KIF16B: variants seen among roughly 807,000 people sequenced by gnomAD.
KIF16B encodes kinesin-like protein KIF16B.
In KIF16B, 98 loss-of-function variants were observed where a neutral mutation model predicts 156.3. The observed-to-expected ratio is 0.63, with a 90% CI of 0.53 to 0.74. KIF16B has a LOEUF of 0.74. KIF16B is among the 30% of genes least tolerant of loss of function. The probability of loss-of-function intolerance (pLI) is 0.00; values close to 1 mark genes in which losing one functional copy is unlikely to be tolerated. For synonymous variants in KIF16B, 564 were observed against 583.7 expected (o/e 0.97, Z 0.49); for missense variants, 1,421 against 1,606.5 (o/e 0.88, Z 1.97).
rs972266269 is a variant in KIF16B at position 16,427,034 on chromosome 20, C to A, written c.1612+70G>T. On this transcript the variant is annotated intron_variant, in intron 15 of 25. Coordinates refer to ENST00000354981, the MANE Select transcript of KIF16B (RefSeq NM_024704.5). ...AATTAATTCTAAGATGCACATGTTC[C>A]CCCATTGCCTAGCCAACTTGTTTTC... 10 of 1,329,200 alleles carry A rather than the reference C, an allele frequency of 7.5e-6. No homozygotes were observed. The East Asian group carries it at 2.5e-4, about 33-fold the overall frequency. The allele number at this position is 1,329,200 out of a possible 1,614,324, so 82.3% of individuals were successfully genotyped here.
chr20:16,367,782 G>T (rs768021398), intron 22 of KIF16B: 1 of 1,612,464 alleles, frequency 6.2e-7, no homozygotes, highest in Non-Finnish European at 8.5e-7. Flanking sequence ...CGCAGGCAGC[G>T]GCATCAGGCT....
intron 12 of KIF16B, among the ~76,000 whole-genome samples, chr20:16,447,063 C>T (rs2066952801): frequency 6.6e-6 from 1 of 152,084 alleles, no homozygotes; most frequent in Admixed American, 6.6e-5. Context: ...ACTAAGTGAG[C>T]ATTTTGTAAA....
intron 12 of KIF16B, among the ~76,000 whole-genome samples, chr20:16,467,276 A>C (rs1245608162): frequency 6.6e-6 from 1 of 152,186 alleles, no homozygotes; most frequent in East Asian, 1.9e-4. Flanking sequence ...ACCTAATCAT[A>C]GGACTATAGA....
intron 2 of KIF16B, 66 bp from the exon 3 acceptor site, chr20:16,526,271 A>C: frequency 1.2e-6 from 1 of 811,568 alleles, no homozygotes; most frequent in East Asian, 2.7e-5. Context: ...CCAAATTTCC[A>C]TGTTTATACC....
intron 22 of KIF16B, among the ~76,000 whole-genome samples, chr20:16,360,161 A>G (rs1264612288): frequency 6.6e-6 from 1 of 152,218 alleles, no homozygotes; most frequent in African/African-American, 2.4e-5. Flanking sequence ...TATTTTATGA[A>G]GTCAATTTCA....
At chr20:16,548,385 A>G (rs564765795) in intron 1 of KIF16B, among the ~76,000 whole-genome samples, 5 of 152,230 alleles carry the variant, frequency 3.3e-5, no homozygotes, top group African/African-American at 1.2e-4. Flanking sequence ...CTTGTAGAAC[A>G]GGCATCCCAA....
chr20:16,449,571 A>G (rs1242410321), intron 12 of KIF16B, among the ~76,000 whole-genome samples: 1 of 152,190 alleles, frequency 6.6e-6, no homozygotes, highest in Non-Finnish European at 1.5e-5. Context: ...TAAACAAAGA[A>G]CCAAAGAATA....
Position 16,573,384 on chromosome 20 carries a change from C to A in KIF16B, c.-109G>T, listed in dbSNP as rs1600726905. 3.3e-6 allele frequency: 4 copies of A among 1,212,516 alleles called. No individual in the cohort carries two copies. Among genetic ancestry groups the A allele is most frequent in the African/African-American group, 1.5e-5 (1 of 66,240 alleles). The allele number at this position is 1,212,516 out of a possible 1,614,324, so 75.1% of individuals were successfully genotyped here. A position where few individuals can be genotyped will look rare whatever the true frequency, so the allele number is the denominator to read the frequency against. ...CTCCCGCCCACTTCCCTCTCGCCCC[C>A]GCCCCTCTGCTCCCGGCCGGACCTG... On this transcript the variant is annotated 5_prime_UTR_variant, in exon 1 of 26. Coordinates refer to ENST00000354981, the MANE Select transcript of KIF16B (RefSeq NM_024704.5).
intron 22 of KIF16B, among the ~76,000 whole-genome samples, chr20:16,366,632 G>A (rs1212966936): frequency 3.3e-5 from 5 of 152,164 alleles, no homozygotes; most frequent in Non-Finnish European, 7.3e-5. Flanking sequence ...GTGATGGGAG[G>A]ACACTTTCAA....
chr20:16,311,621 A>C (rs2063620813), intron 25 of KIF16B, among the ~76,000 whole-genome samples: 1 of 152,240 alleles, frequency 6.6e-6, no homozygotes. Context: ...AATGGTTCAC[A>C]ATGGCAAGAG....
chr20:16,530,447 G>T (rs1008893195), intron 1 of KIF16B, among the ~76,000 whole-genome samples: 1 of 152,182 alleles, frequency 6.6e-6, no homozygotes, highest in African/African-American at 2.4e-5. Context: ...AAAAGTCAGG[G>T]ACGACAGAGT....
At chr20:16,537,256 A>G (rs1288657391) in intron 1 of KIF16B, among the ~76,000 whole-genome samples, 1 of 152,098 alleles carries the variant, frequency 6.6e-6, no homozygotes, top group African/African-American at 2.4e-5. Context: ...TGACATTTCT[A>G]TTCCAGCACT....
At chr20:16,350,517 G>C (rs1418765192) in intron 23 of KIF16B, among the ~76,000 whole-genome samples, 1 of 152,110 alleles carries the variant, frequency 6.6e-6, no homozygotes, top group Non-Finnish European at 1.5e-5. Flanking sequence ...GAGCGCTGGA[G>C]GGTGGTGCTG....
intron 1 of KIF16B, among the ~76,000 whole-genome samples, chr20:16,543,229 C>A (rs2070272852): frequency 6.6e-6 from 1 of 152,180 alleles, no homozygotes; most frequent in Admixed American, 6.5e-5. Context: ...TTGTGAGATG[C>A]TGTTTCAGGT....
chr20:16,555,041 G>A (rs2070797140), intron 1 of KIF16B, among the ~76,000 whole-genome samples: 1 of 152,238 alleles, frequency 6.6e-6, no homozygotes, highest in African/African-American at 2.4e-5. Flanking sequence ...CAGCCTGCCA[G>A]GCTGAGTGGA....
Position 16,526,857 on chromosome 20 carries a change from CCA to C in KIF16B, c.118-654_118-653del, listed in dbSNP as rs142768990. Among the ~76,000 whole-genome samples, 564 of 152,274 alleles carry C rather than the reference CCA, an allele frequency of 3.7e-3. 1 individual carries two copies. The highest frequency in any genetic ancestry group is 0.013 in the African/African-American group (520 of 41,546). On this transcript the variant is annotated intron_variant, in intron 2 of 25. Coordinates refer to ENST00000354981, the MANE Select transcript of KIF16B (RefSeq NM_024704.5). ...ATATGCTGAATAACTTCAATGAGCA[CCA>C]CGTTTTCCACATGATTCACATATTA... is the stretch of plus-strand genomic sequence containing the variant.
At chr20:16,357,811 T>C (rs887867980) in intron 22 of KIF16B, among the ~76,000 whole-genome samples, 2 of 152,212 alleles carry the variant, frequency 1.3e-5, no homozygotes, top group Admixed American at 6.5e-5. Flanking sequence ...GATCTTAATT[T>C]TTCTCTGCAT....
At chr20:16,566,833 T>A (rs956420033) in intron 1 of KIF16B, among the ~76,000 whole-genome samples, 7 of 152,226 alleles carry the variant, frequency 4.6e-5, no homozygotes, top group African/African-American at 1.7e-4. Context: ...ACTAAAATCC[T>A]TTTTTTATTT....
Position 16,494,296 on chromosome 20 carries a change from A to G in KIF16B, c.1297T>C (p.Leu433=). 1 of 1,595,676 alleles carries G rather than the reference A, an allele frequency of 6.3e-7. No homozygotes were observed. Among genetic ancestry groups the G allele is most frequent in the Non-Finnish European group, 8.6e-7 (1 of 1,168,118 alleles). The change falls in exon 12 of 26, where the codon TTG becomes CTG. Residue 433 remains leucine, a synonymous_variant. Transcript: ENST00000354981. The stretch of plus-strand genomic sequence containing the variant: ...CACATTTTTCTAGTCCTTACTTTCA[A>G]AATATTTTGGGTTTCATTCCACTTA... The part of the protein sequence containing the change: ...TNKWNETQNI[L]KEQTLALRKE...
Sources: gnomAD v4.1 joint callset for allele counts (sites outside exome capture counted in the v4.1 genomes callset) on GRCh38, gnomAD v4.1.1 for gene constraint, MANE v1.5 for transcripts, NCBI Gene and HGNC (gene_info 2026-07-23, HGNC 2026-07-21) for gene names.